FBXL17: variants seen among roughly 807,000 people sequenced by gnomAD.
FBXL17 encodes the protein F-box and leucine rich repeat protein 17.
Under a neutral mutation model 66.2 loss-of-function variants are expected in FBXL17, and 22 were observed. That is an observed-to-expected ratio of 0.33 (90% CI 0.24 to 0.47). FBXL17 has a LOEUF of 0.47. FBXL17 is among the 20% of genes least tolerant of loss of function. The probability of loss-of-function intolerance (pLI) is 1.00; values close to 1 mark genes in which losing one functional copy is unlikely to be tolerated. For missense variants in FBXL17, 878 were observed against 948.2 expected (o/e 0.93, Z 0.97); for synonymous variants, 474 against 400.5 (o/e 1.18, Z -2.19).
chr5:108,049,753 T>G (rs1747399343), intron 6 of FBXL17, among the ~76,000 whole-genome samples: 1 of 152,178 alleles, frequency 6.6e-6, no homozygotes, highest in Admixed American at 6.5e-5. Context: ...AACTTAAATG[T>G]AAATGGGCTA....
chr5:107,925,933 T>C (rs1271606281), intron 7 of FBXL17, among the ~76,000 whole-genome samples: 1 of 152,220 alleles, frequency 6.6e-6, no homozygotes. Context: ...CTTTTTTGCA[T>C]TTCTTGTAAC....
chr5:108,131,066 T>C lies in FBXL17; in HGVS notation c.1745+55051A>G, dbSNP rs187797711. Among the ~76,000 whole-genome samples, 3 of 152,200 alleles carry C rather than the reference T, an allele frequency of 2.0e-5. No homozygotes were observed. The East Asian group carries it at 5.8e-4, about 29-fold the overall frequency. On this transcript the variant is annotated intron_variant, in intron 6 of 8. Coordinates refer to ENST00000542267, the MANE Select transcript of FBXL17 (RefSeq NM_001163315.3). Reference sequence around the variant, plus strand: ...TTCTCAACTCTGCTACTGAAATAAATAACATATTTCAAACAGGAATAGGAA... The same window carrying C: ...TTCTCAACTCTGCTACTGAAATAAACAACATATTTCAAACAGGAATAGGAA...
chr5:108,307,706 C>G (rs11743651), intron 4 of FBXL17, among the ~76,000 whole-genome samples: 64,405 of 151,918 alleles, frequency 0.42, 14,390 homozygotes, highest in Non-Finnish European at 0.5. Flanking sequence ...TACTTTGCTG[C>G]TATGAATGAC....
At chr5:108,336,212 A>G (rs1343392210) in intron 4 of FBXL17, among the ~76,000 whole-genome samples, 1 of 152,214 alleles carries the variant, frequency 6.6e-6, no homozygotes, top group Non-Finnish European at 1.5e-5. Flanking sequence ...AACACTTGCC[A>G]GTGTAACCTC....
intron 7 of FBXL17, among the ~76,000 whole-genome samples, chr5:107,938,394 C>T (rs1160146468): frequency 6.6e-6 from 1 of 151,950 alleles, no homozygotes; most frequent in Admixed American, 6.6e-5. Flanking sequence ...AAACATGGTT[C>T]TAGGCATCAA....
chr5:108,081,539 G>C (rs1748764947), intron 6 of FBXL17, among the ~76,000 whole-genome samples: 1 of 151,994 alleles, frequency 6.6e-6, no homozygotes, highest in Non-Finnish European at 1.5e-5. Context: ...GGCTAACACG[G>C]TGAAACCCCG....
At position 108,052,292 on chromosome 5, in the gene FBXL17, C is replaced by G. The variant is rs150012523; in HGVS notation, c.1746-31291G>C. Among the ~76,000 whole-genome samples, 1,004 of 152,234 alleles carry G rather than the reference C, an allele frequency of 6.6e-3. 15 individuals carry two copies. The highest frequency in any genetic ancestry group is 0.023 in the African/African-American group (963 of 41,530). On this transcript the variant is annotated intron_variant, in intron 6 of 8. Transcript: ENST00000542267. ...GTTTTGGTCTGCAGATTACATGACT[C>G]TATACTGAGAAAACCCCATCATCTC...
chr5:107,913,299 C>G (rs1400124224), intron 7 of FBXL17, among the ~76,000 whole-genome samples: 1 of 151,820 alleles, frequency 6.6e-6, no homozygotes, highest in Non-Finnish European at 1.5e-5. Context: ...GTTTTGTTGC[C>G]TTAGTTACAT....
At chr5:108,097,586 C>T (rs1025018244) in intron 6 of FBXL17, among the ~76,000 whole-genome samples, 7 of 151,732 alleles carry the variant, frequency 4.6e-5, no homozygotes, top group Admixed American at 1.3e-4. Flanking sequence ...GTAAGGAGTT[C>T]GAGACCAGCC....
intron 4 of FBXL17, among the ~76,000 whole-genome samples, chr5:108,283,706 C>T (rs1757789430): frequency 6.6e-6 from 1 of 151,696 alleles, no homozygotes; most frequent in African/African-American, 2.4e-5. Flanking sequence ...TAAAAGGGTT[C>T]TGCATGGCAA....
chr5:108,374,824 T>G (rs1473275316), intron 1 of FBXL17, among the ~76,000 whole-genome samples: 1 of 151,924 alleles, frequency 6.6e-6, no homozygotes, highest in African/African-American at 2.4e-5. Context: ...TAGAAAATAA[T>G]TTGAAATTAA....
chr5:108,202,165 AAAGACAG>A (rs1360664492), intron 5 of FBXL17, among the ~76,000 whole-genome samples: 1 of 152,198 alleles, frequency 6.6e-6, no homozygotes, highest in East Asian at 1.9e-4. Context: ...CATTTTATCA[AAAGACAG>A]ATGCCACAAA....
At chr5:107,909,359 C>T (rs568751837) in intron 7 of FBXL17, among the ~76,000 whole-genome samples, 10 of 152,114 alleles carry the variant, frequency 6.6e-5, no homozygotes, top group Non-Finnish European at 1.3e-4. Context: ...GTTTATTGCT[C>T]AGTGGCTACA....
intron 6 of FBXL17, among the ~76,000 whole-genome samples, chr5:108,037,164 T>C (rs1246721836): frequency 6.6e-6 from 1 of 152,194 alleles, no homozygotes; most frequent in East Asian, 1.9e-4. Flanking sequence ...GAAGACACCA[T>C]GATATTTATT....
rs140051627 is a variant in FBXL17, at chr5:107,920,262, C to T, written c.1823-39083G>A. On this transcript the variant is annotated intron_variant, in intron 7 of 8. Transcript: ENST00000542267. Reference sequence around the variant, plus strand: ...TGTTGTCACCTGGGCTGGAGTGCAACGGCGCGACCTTGGCTCACTGCAACC... The same window carrying T: ...TGTTGTCACCTGGGCTGGAGTGCAATGGCGCGACCTTGGCTCACTGCAACC... Among the ~76,000 whole-genome samples the T allele has an allele frequency of 5.5e-3, 838 of 152,168 alleles. 7 individuals carry two copies. Among genetic ancestry groups the T allele is most frequent in the African/African-American group, 0.019 (805 of 41,536 alleles).
intron 2 of FBXL17, among the ~76,000 whole-genome samples, chr5:108,366,508 C>A (rs1341113696): frequency 2.6e-5 from 4 of 151,676 alleles, no homozygotes; most frequent in African/African-American, 7.3e-5. Context: ...CTCTGACATA[C>A]CTCTCCTTTT....
At chr5:108,208,256 T>TGTAG (rs1284301417) in intron 5 of FBXL17, among the ~76,000 whole-genome samples, 2 of 152,226 alleles carry the variant, frequency 1.3e-5, no homozygotes, top group Non-Finnish European at 1.5e-5. Context: ...TCTCCCATTC[T>TGTAG]GTAGGGTCTG....
intron 3 of FBXL17, among the ~76,000 whole-genome samples, chr5:108,349,931 A>G (rs1431584783): frequency 6.6e-6 from 1 of 152,232 alleles, no homozygotes; most frequent in Non-Finnish European, 1.5e-5. Context: ...GTAGCTTAGC[A>G]ATACCTAAGA....
chr5:108,270,830 T>G, intron 4 of FBXL17, among the ~76,000 whole-genome samples: 1 of 152,128 alleles, frequency 6.6e-6, no homozygotes, highest in East Asian at 1.9e-4. Context: ...AGTTTTAAAT[T>G]ATTTCTCCTG....
Sources: allele counts gnomAD v4.1 joint callset (sites outside exome capture counted in the v4.1 genomes callset), GRCh38; gene constraint gnomAD v4.1.1; transcripts MANE v1.5; gene names NCBI Gene and HGNC (gene_info 2026-07-23, HGNC 2026-07-21).